ZNF597: variants seen among roughly 807,000 people sequenced by gnomAD.
The protein encoded by ZNF597 is zinc finger protein 597.
A neutral mutation model predicts 7.3 loss-of-function variants in ZNF597; 5 were observed. The observed-to-expected ratio is 0.68, with a 90% CI of 0.36 to 1.44. The LOEUF is 1.44. Ranked by LOEUF, ZNF597 falls within the 40% of genes most tolerant of loss-of-function variation. The pLI, the probability that ZNF597 is intolerant of heterozygous loss-of-function variation, is 0.04. For synonymous variants in ZNF597, 209 were observed against 185.4 expected (o/e 1.13, Z -1.04); for missense variants, 585 against 517.9 (o/e 1.13, Z -1.26).
Position 3,437,129 on chromosome 16 carries a change from T to C in ZNF597, c.570A>G (p.Gly190=), listed in dbSNP as rs750106592. The C allele has an allele frequency of 6.2e-7, 1 of 1,614,212 alleles. No individual in the cohort carries two copies. The highest frequency in any genetic ancestry group is 8.5e-7 in the Non-Finnish European group (1 of 1,180,042). Residue 190 remains glycine, a synonymous_variant, in exon 4 of 4, where the codon GGA becomes GGG. Transcript: ENST00000301744. The part of the protein sequence containing the change: ...GEKKHKCGDC[G]KIFNHRANLR... ...GGTTGGCTCTATGATTGAAGATCTT[T>C]CCACAGTCACCACATTTATGTTTTT... is the stretch of plus-strand genomic sequence containing the variant.
In ZNF597 at chr16:3,437,391, G is replaced by A. The variant is rs549964127; in HGVS notation, c.308C>T (p.Ala103Val). The change falls in exon 4 of 4, where the codon GCG becomes GTG. Residue 103 changes from alanine (A) to valine (V), a missense_variant. Coordinates refer to ENST00000301744, the MANE Select transcript of ZNF597 (RefSeq NM_152457.3). Reference protein sequence around the residue: ...SSEDGVGNPEAKILSGTPTYK... With the variant: ...SSEDGVGNPEVKILSGTPTYK... ...AGTGGGAGTTCCACTTAATATTTTC[G>A]CTTCAGGGTTTCCAACTCCATCCTC... The A allele has an allele frequency of 8.7e-6, 14 of 1,614,058 alleles. No individual in the cohort carries two copies. Among genetic ancestry groups the A allele is most frequent in the Admixed American group, 6.7e-5 (4 of 60,016 alleles).
rs1188242107 is a variant in ZNF597 at position 3,442,839 on chromosome 16, G to A, written c.33+282C>T. On this transcript the variant is annotated intron_variant, in intron 2 of 3. Coordinates refer to ENST00000301744, the MANE Select transcript of ZNF597 (RefSeq NM_152457.3). Reference sequence around the variant, plus strand: ...AAGCAACACTCCAGCGACAAGGCCAGACCCTATCTCCAAACAAAACAAAAC... The same window carrying A: ...AAGCAACACTCCAGCGACAAGGCCAAACCCTATCTCCAAACAAAACAAAAC... Among the ~76,000 whole-genome samples, 2 of 152,150 alleles carry A rather than the reference G, an allele frequency of 1.3e-5. 1 individual carries two copies. The highest frequency in any genetic ancestry group is 1.3e-4 in the Admixed American group (2 of 15,276).
chr16:3,441,239 G>A (rs148213579), intron 2 of ZNF597, among the ~76,000 whole-genome samples: 1 of 152,174 alleles, frequency 6.6e-6, no homozygotes, highest in Non-Finnish European at 1.5e-5. Context: ...ATTAAGTGAG[G>A]ATGCTCTAAG....
At chr16:3,442,617 G>C (rs2034401667) in intron 2 of ZNF597, among the ~76,000 whole-genome samples, 2 of 151,356 alleles carry the variant, frequency 1.3e-5, no homozygotes, top group African/African-American at 4.9e-5. Context: ...GGAGCTTGCA[G>C]TGAGCCGAGA....
At chr16:3,439,685 C>G (rs916997007) in intron 3 of ZNF597, among the ~76,000 whole-genome samples, 48 of 151,922 alleles carry the variant, frequency 3.2e-4, no homozygotes, top group African/African-American at 1.0e-3. Flanking sequence ...AACTGCCTCC[C>G]ACAACAAAGT....
intron 2 of ZNF597, 65 bp downstream of exon 2, chr16:3,443,056 A>C: frequency 6.3e-7 from 1 of 1,592,774 alleles, no homozygotes; most frequent in Non-Finnish European, 8.6e-7. Context: ...TCTCCTCCAA[A>C]GGAGGGGGTC....
intron 3 of ZNF597, among the ~76,000 whole-genome samples, chr16:3,440,415 AC>A (rs2034353543): frequency 6.6e-6 from 1 of 152,280 alleles, no homozygotes. Context: ...GCGGGTGATC[AC>A]AAGGTCAGGA....
Position 3,432,954 on chromosome 16 carries a change from C to T in ZNF597, c.*3470G>A, listed in dbSNP as rs1231050375. 1 of 152,194 alleles carries T rather than the reference C, an allele frequency of 6.6e-6. No homozygotes were observed. Among genetic ancestry groups the T allele is most frequent in the East Asian group, 1.9e-4 (1 of 5,204 alleles). 9.4% of individuals were successfully genotyped at this position (152,194 alleles called of 1,614,324 possible). On this transcript the variant is annotated 3_prime_UTR_variant, in exon 4 of 4. Transcript: ENST00000301744. ...ATAACCTGCTATGTCTCCCTTTGTACACATAGGCAGTAAATTGCAGATTAC... is the reference window on the plus strand; with the variant it reads ...ATAACCTGCTATGTCTCCCTTTGTATACATAGGCAGTAAATTGCAGATTAC...
At position 3,437,528 on chromosome 16, in the gene ZNF597, G is replaced by C; in HGVS notation, c.171C>G (p.Gly57=). The part of the protein sequence containing the change: ...LEDAALMGEE[G]KPEINQQLSL... ...TTAACTGCTGATTAATCTCAGGCTT[G>C]CCTTCCTCTCCTGTTGATAAAAACA... Residue 57 remains glycine (G), a synonymous_variant, in exon 4 of 4, where the codon GGC becomes GGG. Coordinates refer to ENST00000301744, the MANE Select transcript of ZNF597 (RefSeq NM_152457.3). 1 of 1,595,656 alleles carries C rather than the reference G, an allele frequency of 6.3e-7. No individual in the cohort carries two copies.
Position 3,440,845 on chromosome 16 carries a change from T to A in ZNF597, c.122A>T (p.Asp41Val). 1.2e-5 allele frequency: 19 copies of A among 1,614,068 alleles called. No individual in the cohort carries two copies. Among genetic ancestry groups the A allele is most frequent in the Non-Finnish European group, 1.6e-5 (19 of 1,179,948 alleles). ...LHPAQRSLSK[D>V]GTKESLEDAA... ...ATCCTCCAAAGACTCTTTTGTACCA[T>A]CTTTGCTGAGGGACCTCTGGGCAGG... Residue 41 changes from aspartate to valine, a missense_variant, in exon 3 of 4, where the codon GAT becomes GTT. By Grantham distance (152) the Asp-to-Val change is radical. Coordinates refer to ENST00000301744, the MANE Select transcript of ZNF597 (RefSeq NM_152457.3).
At chr16:3,439,974 A>G (rs906990478) in intron 3 of ZNF597, among the ~76,000 whole-genome samples, 1 of 152,212 alleles carries the variant, frequency 6.6e-6, no homozygotes, top group African/African-American at 2.4e-5. Flanking sequence ...AAGAAACAAA[A>G]TATGAGTTAT....
rs2034275526 is a variant in ZNF597, at chr16:3,433,845, T to C, written c.*2579A>G. On this transcript the variant is annotated 3_prime_UTR_variant, in exon 4 of 4. Coordinates refer to ENST00000301744, the MANE Select transcript of ZNF597 (RefSeq NM_152457.3). ...GGGGTTTTCATTTTTTTCTGCATAC[T>C]AATCATTAACAGTATTATACCAAAA... is the stretch of plus-strand genomic sequence containing the variant. The C allele has an allele frequency of 6.6e-6, 1 of 152,214 alleles. No individual in the cohort carries two copies. Among genetic ancestry groups the C allele is most frequent in the Admixed American group, 6.5e-5 (1 of 15,284 alleles). The allele number at this position is 152,214 out of a possible 1,614,324, so 9.4% of individuals were successfully genotyped here.
chr16:3,443,490 G>C lies in ZNF597; in HGVS notation c.-184C>G, dbSNP rs2034428568. ...CGCTCTCATGCTCCTTTACGCAGGA[G>C]CTGCGGGAAAAGCCGCCGGAAGCGA... On this transcript the variant is annotated 5_prime_UTR_variant, in exon 1 of 4. Transcript: ENST00000301744. 3 of 515,880 alleles carry C rather than the reference G, an allele frequency of 5.8e-6. No individual in the cohort carries two copies. Among genetic ancestry groups the C allele is most frequent in the Non-Finnish European group, 6.8e-6 (2 of 295,810 alleles). 32.0% of individuals were successfully genotyped at this position (515,880 alleles called of 1,614,324 possible).
chr16:3,443,072 G>C (rs377434469), intron 2 of ZNF597, 49 bp downstream of exon 2: 24 of 1,613,140 alleles, frequency 1.5e-5, no homozygotes, highest in Non-Finnish European at 1.8e-5. Flanking sequence ...GGGTCAGGCA[G>C]AGACCGAAAG....
In ZNF597 at chr16:3,440,945, G is replaced by A. The variant is rs2034361736; in HGVS notation, c.34-12C>T. 1 of 1,612,076 alleles carries A rather than the reference G, an allele frequency of 6.2e-7. No individual in the cohort carries two copies. The highest frequency in any genetic ancestry group is 8.5e-7 in the Non-Finnish European group (1 of 1,179,144). On this transcript the variant is annotated splice_polypyrimidine_tract_variant and intron_variant, in intron 2 of 3. Coordinates refer to ENST00000301744, the MANE Select transcript of ZNF597 (RefSeq NM_152457.3). ...AAGAGTATTGGTCCCTGAAACACAA[G>A]AGCCTGTGTCAGCACAAGAGGGTGG...
intron 3 of ZNF597, 90 bp from the exon 4 acceptor site, chr16:3,437,628 C>A: frequency 6.8e-7 from 1 of 1,466,240 alleles, no homozygotes; most frequent in Non-Finnish European, 9.0e-7. Context: ...ACAAACAGGA[C>A]CAGGAAACCT....
rs1368366710 is a variant in ZNF597, at chr16:3,436,072, CCTT to C, written c.*349_*351del. 4.8e-6 allele frequency: 1 copy of C among 210,180 alleles called. No individual in the cohort carries two copies. The highest frequency in any genetic ancestry group is 2.3e-5 in the African/African-American group (1 of 43,144). 13.0% of individuals were successfully genotyped at this position (210,180 alleles called of 1,614,324 possible). On this transcript the variant is annotated 3_prime_UTR_variant, in exon 4 of 4. Transcript: ENST00000301744. ...TGGCAAAATATAAATAAATTCTCCT[CCTT>C]CTAAAAGTCAGAAACTACGTAAACA... is the stretch of plus-strand genomic sequence containing the variant.
At chr16:3,440,043 T>C (rs1225123838) in intron 3 of ZNF597, among the ~76,000 whole-genome samples, 1 of 152,142 alleles carries the variant, frequency 6.6e-6, no homozygotes, top group African/African-American at 2.4e-5. Flanking sequence ...ATCTCAACTA[T>C]TCCAAACTAT....
chr16:3,434,894 T>A lies in ZNF597; in HGVS notation c.*1530A>T, dbSNP rs1483956625. 11 of 152,220 alleles carry A rather than the reference T, an allele frequency of 7.2e-5. No homozygotes were observed. Among genetic ancestry groups the A allele is most frequent in the Middle Eastern group, 3.2e-3 (1 of 316 alleles). The allele number at this position is 152,220 out of a possible 1,614,324, so 9.4% of individuals were successfully genotyped here. A position where few individuals can be genotyped will look rare whatever the true frequency, so the allele number is the denominator to read the frequency against. On this transcript the variant is annotated 3_prime_UTR_variant, in exon 4 of 4. Coordinates refer to ENST00000301744, the MANE Select transcript of ZNF597 (RefSeq NM_152457.3). ...CCATCCTAATCAAAACCCATGTAAA[T>A]ATTGTTTTGCTGATAGGCATACAAT... is the stretch of plus-strand genomic sequence containing the variant.
Sources: gnomAD v4.1 joint callset for allele counts (sites outside exome capture counted in the v4.1 genomes callset) on GRCh38, gnomAD v4.1.1 for gene constraint, MANE v1.5 for transcripts, NCBI Gene and HGNC (gene_info 2026-07-23, HGNC 2026-07-21) for gene names.